The following ANXA4 variants were observed in gnomAD, a reference collection of about 807,000 sequenced individuals.
ANXA4 encodes the protein annexin A4, also known as 35-beta calcimedin.
Under a neutral mutation model 49.8 loss-of-function variants are expected in ANXA4, and 39 were observed. The observed-to-expected ratio is 0.78, with a 90% CI of 0.61 to 1.02. The LOEUF (loss-of-function observed/expected upper bound fraction) is 1.02. Among genes scored for constraint, ANXA4 ranks in the 50% least tolerant of loss-of-function variants. The pLI, the probability that ANXA4 is intolerant of heterozygous loss-of-function variation, is 0.00. For synonymous variants in ANXA4, 134 were observed against 152.5 expected (o/e 0.88, Z 0.89); for missense variants, 360 against 410.1 (o/e 0.88, Z 1.05).
chr2:69,812,803 A>G (rs1673765913), intron 8 of ANXA4, 94 bp downstream of exon 8: 1 of 1,077,444 alleles, frequency 9.3e-7, no homozygotes, highest in Non-Finnish European at 1.4e-6. Flanking sequence ...ATTACAGTGT[A>G]TATTAGCCAG....
chr2:69,783,599 G>A (rs1186250546), intron 2 of ANXA4, among the ~76,000 whole-genome samples: 2 of 152,146 alleles, frequency 1.3e-5, no homozygotes, highest in Non-Finnish European at 2.9e-5. Context: ...CATGTTTTAT[G>A]GAGGTATAAT....
chr2:69,663,331 A>G (rs1169300960), intron 2 of ANXA4, among the ~76,000 whole-genome samples: 1 of 50,094 alleles, frequency 2.0e-5, no homozygotes, highest in Non-Finnish European at 3.9e-5. Context: ...TTTTTTTGCT[A>G]AATATAGCAC....
In ANXA4 at chr2:69,819,314, T is replaced by G. The variant is rs1674132903; in HGVS notation, c.759T>G (p.Ala253=). ...TGAGGAACAAATCTGCATATTTTGCTGAAAAGCTCTATAAATCGATGAAGG... is the reference window on the plus strand; with the variant it reads ...TGAGGAACAAATCTGCATATTTTGCGGAAAAGCTCTATAAATCGATGAAGG... ...KCMRNKSAYF[A]EKLYKSMKGL... Residue 253 remains alanine (A), a synonymous_variant, in exon 11 of 13, where the codon GCT becomes GCG. Transcript: ENST00000394295. 2 of 1,608,808 alleles carry G rather than the reference T, an allele frequency of 1.2e-6. No homozygotes were observed. The highest frequency in any genetic ancestry group is 1.7e-6 in the Non-Finnish European group (2 of 1,176,952).
chr2:69,765,239 T>A (rs762000046), intron 1 of ANXA4, among the ~76,000 whole-genome samples: 1 of 152,232 alleles, frequency 6.6e-6, no homozygotes, highest in East Asian at 1.9e-4. Flanking sequence ...GGTATATGTA[T>A]ACCTAGAAGT....
At chr2:69,663,138 G>A (rs1254890889) in intron 2 of ANXA4, among the ~76,000 whole-genome samples, 3 of 149,796 alleles carry the variant, frequency 2.0e-5, no homozygotes, top group Admixed American at 6.7e-5. Flanking sequence ...GACTACAGGC[G>A]CCCACCACCA....
intron 3 of ANXA4, among the ~76,000 whole-genome samples, chr2:69,794,109 T>TGGGAGAAAGTGGCTGGGCTCA (rs1672816323): frequency 6.6e-6 from 1 of 152,220 alleles, no homozygotes; most frequent in African/African-American, 2.4e-5. Flanking sequence ...CAGTTTTCTC[T>TGGGAGAAAGTGGCTGGGCTCA]GGGAGAAAGT....
rs1672491497 is a variant in ANXA4 at position 69,788,086 on chromosome 2, A to G, written c.42A>G (p.Ser14=). The stretch of plus-strand genomic sequence containing the variant: ...AAGGAGGTACTGTCAAAGCTGCTTC[A>G]GGATTCAATGCCATGGAAGATGCCC... ...ATKGGTVKAA[S]GFNAMEDAQT... Residue 14 remains serine (S), a synonymous_variant, in exon 3 of 13, where the codon TCA becomes TCG. Coordinates refer to ENST00000394295, the MANE Select transcript of ANXA4 (RefSeq NM_001153.5). 2.5e-6 allele frequency: 4 copies of G among 1,613,966 alleles called. No individual in the cohort carries two copies. The African/African-American group carries it at 5.3e-5, about 22-fold the overall frequency.
intron 1 of ANXA4, among the ~76,000 whole-genome samples, chr2:69,755,105 C>G (rs1010133417): frequency 6.6e-6 from 1 of 152,162 alleles, no homozygotes; most frequent in African/African-American, 2.4e-5. Context: ...ATAAATGTTA[C>G]GTGATTCCAC....
chr2:69,664,941 A>G (rs1389272200), intron 2 of ANXA4, among the ~76,000 whole-genome samples: 1 of 152,136 alleles, frequency 6.6e-6, no homozygotes, highest in Non-Finnish European at 1.5e-5. Flanking sequence ...CGTGTCTACT[A>G]AAAATACAAA....
chr2:69,793,309 A>G (rs929558112), intron 3 of ANXA4, among the ~76,000 whole-genome samples: 4 of 151,742 alleles, frequency 2.6e-5, no homozygotes, highest in African/African-American at 9.7e-5. Context: ...TTTGACCTGC[A>G]TAATTTAGAC....
rs571087925 is a variant in ANXA4, at chr2:69,678,803, C to T, written n.766+25521C>T. Among the ~76,000 whole-genome samples the T allele has an allele frequency of 2.5e-4, 38 of 152,298 alleles. No individual in the cohort carries two copies. The South Asian group carries it at 7.5e-3, about 30-fold the overall frequency. ...TTATTTGTTAACCAAGTACTAGTTA[C>T]TATATATGTAACAGCTCATCTTTAA... On this transcript the variant is annotated intron_variant and non_coding_transcript_variant, in intron 2 of 3. Coordinates refer to the ANXA4 transcript ENST00000418066.
In ANXA4 at chr2:69,807,972, C is replaced by T; in HGVS notation, c.373C>T (p.Arg125Cys). 5 of 1,614,118 alleles carry T rather than the reference C, an allele frequency of 3.1e-6. No homozygotes were observed. Among genetic ancestry groups the T allele is most frequent in the Non-Finnish European group, 4.2e-6 (5 of 1,180,002 alleles). The change falls in exon 6 of 13, where the codon CGC becomes TGC. Residue 125 changes from arginine to cysteine, a missense_variant. Transcript: ENST00000394295. ...CTCCCGGACCCCTGAGGAGATCCGGCGCATAAGCCAAACCTACCAGCAGCG... is the reference window on the plus strand; with the variant it reads ...CTCCCGGACCCCTGAGGAGATCCGGTGCATAAGCCAAACCTACCAGCAGCG... ...LASRTPEEIR[R>C]ISQTYQQQYG...
At chr2:69,674,818 T>A (rs1180720096) in intron 2 of ANXA4, among the ~76,000 whole-genome samples, 1 of 152,062 alleles carries the variant, frequency 6.6e-6, no homozygotes, top group Non-Finnish European at 1.5e-5. Context: ...TTCTCTGTCA[T>A]CCTCTTACAA....
At position 69,677,386 on chromosome 2, in the gene ANXA4, C is replaced by T. The variant is rs150569286; in HGVS notation, n.766+24104C>T. On this transcript the variant is annotated intron_variant and non_coding_transcript_variant, in intron 2 of 3. Transcript: ENST00000418066. The stretch of plus-strand genomic sequence containing the variant: ...CTGAGATGACAGGTGTGTGCCACCA[C>T]GCCCTGCTGATTTTTGAATTTTTAG... Among the ~76,000 whole-genome samples the T allele has an allele frequency of 8.1e-3, 1,229 of 152,086 alleles. 23 individuals carry two copies. Among genetic ancestry groups the T allele is most frequent in the African/African-American group, 0.028 (1,154 of 41,476 alleles).
chr2:69,648,317 C>T (rs941190980), intron 1 of ANXA4, among the ~76,000 whole-genome samples: 2 of 152,120 alleles, frequency 1.3e-5, no homozygotes, highest in Admixed American at 6.6e-5. Flanking sequence ...TTCATTACAC[C>T]ATATGGGCTT....
chr2:69,700,002 T>C (rs953901471), intron 2 of ANXA4, among the ~76,000 whole-genome samples: 14 of 152,058 alleles, frequency 9.2e-5, no homozygotes, highest in African/African-American at 3.4e-4. Context: ...GTCAGGAAAG[T>C]GAGCACCCAG....
chr2:69,645,484 A>G (rs1447656815), intron 1 of ANXA4, among the ~76,000 whole-genome samples: 1 of 152,200 alleles, frequency 6.6e-6, no homozygotes, highest in Non-Finnish European at 1.5e-5. Context: ...ATTGACCCCC[A>G]TTTCTCTCAG....
chr2:69,701,406 AT>A (rs761402770), intron 2 of ANXA4, among the ~76,000 whole-genome samples: 108 of 151,660 alleles, frequency 7.1e-4, no homozygotes, highest in Non-Finnish European at 1.2e-3. Context: ...ACACCATTCT[AT>A]TTTCTATCTG....
intron 1 of ANXA4, among the ~76,000 whole-genome samples, chr2:69,753,813 A>G (rs1299127761): frequency 6.6e-6 from 1 of 152,260 alleles, no homozygotes; most frequent in African/African-American, 2.4e-5. Flanking sequence ...AGTTTCTCCT[A>G]AGGAAGAAGG....
Sources: allele counts gnomAD v4.1 joint callset (sites outside exome capture counted in the v4.1 genomes callset), GRCh38; gene constraint gnomAD v4.1.1; transcripts MANE v1.5; gene names NCBI Gene and HGNC (gene_info 2026-07-23, HGNC 2026-07-21).